Variants in BMAL2 observed in about 807,000 individuals in gnomAD.
BMAL2 encodes the protein basic helix-loop-helix ARNT like 2.
the BMAL2 span, among the ~76,000 whole-genome samples, chr12:27,376,953 A>G: frequency 3.0e-4 from 43 of 141,708 alleles, no homozygotes; most frequent in Admixed American, 3.2e-3. Context: ...GTGAGCCGAA[A>G]TCGCGCCACT....
At chr12:27,358,393 T>C in the BMAL2 span, among the ~76,000 whole-genome samples, 2 of 152,096 alleles carry the variant, frequency 1.3e-5, no homozygotes, top group African/African-American at 4.8e-5. Context: ...CAAAAAATAA[T>C]AGATGTTGGC....
At chr12:27,333,851 A>G in the BMAL2 span, among the ~76,000 whole-genome samples, 1 of 152,276 alleles carries the variant, frequency 6.6e-6, no homozygotes, top group Admixed American at 6.5e-5. Flanking sequence ...CCTTCTCGCT[A>G]GTATTCACTG....
the BMAL2 span, among the ~76,000 whole-genome samples, chr12:27,382,428 G>A: frequency 1.3e-5 from 2 of 152,156 alleles, no homozygotes; most frequent in Non-Finnish European, 2.9e-5. Flanking sequence ...GGAAGAGATC[G>A]TCAGAGTCTG....
the BMAL2 span, chr12:27,421,371 C>A: frequency 6.6e-6 from 1 of 152,068 alleles, no homozygotes; most frequent in Non-Finnish European, 1.5e-5. Context: ...TATGGTGAAA[C>A]CCCGTTTCTA....
At chr12:27,416,066 TGATCACTCAGTGA>T in the BMAL2 span, 2 of 692,174 alleles carry the variant, frequency 2.9e-6, no homozygotes, top group Non-Finnish European at 4.8e-6. Context: ...GAACCCATTT[TGATCACTCAGTGA>T]TTTTTAAGTG....
the BMAL2 span, among the ~76,000 whole-genome samples, chr12:27,391,618 G>T: frequency 7.2e-5 from 11 of 152,316 alleles, 1 homozygote; most frequent in South Asian, 4.1e-4. Context: ...ACCCTAAACT[G>T]CTTTCCATAG....
the BMAL2 span, among the ~76,000 whole-genome samples, chr12:27,388,346 GTTTT>G: frequency 6.6e-6 from 1 of 151,948 alleles, no homozygotes. Context: ...TAACCACACA[GTTTT>G]TTTTAGAATG....
At chr12:27,336,514 T>TAG in the BMAL2 span, among the ~76,000 whole-genome samples, 1 of 152,214 alleles carries the variant, frequency 6.6e-6, no homozygotes, top group East Asian at 1.9e-4. Flanking sequence ...ATGCAATACT[T>TAG]AGCTATGTAT....
chr12:27,391,878 T>G, the BMAL2 span, among the ~76,000 whole-genome samples: 1 of 152,032 alleles, frequency 6.6e-6, no homozygotes. Flanking sequence ...AGGCTCTGAG[T>G]GGTGGAGAGC....
chr12:27,410,705 C>T, the BMAL2 span, among the ~76,000 whole-genome samples: 6 of 151,938 alleles, frequency 3.9e-5, no homozygotes, highest in African/African-American at 1.5e-4. Flanking sequence ...TGTAAGAAAC[C>T]TGCATGTTGT....
the BMAL2 span, among the ~76,000 whole-genome samples, chr12:27,334,037 T>G: frequency 6.6e-6 from 1 of 152,328 alleles, no homozygotes; most frequent in African/African-American, 2.4e-5. Flanking sequence ...CCTTTTGGAA[T>G]AAGATGATAG....
At chr12:27,400,686 C>T in the BMAL2 span, 2 of 1,613,772 alleles carry the variant, frequency 1.2e-6, no homozygotes, top group Admixed American at 1.7e-5. Flanking sequence ...ATATATTGTT[C>T]CACAGAACAG....
the BMAL2 span, chr12:27,389,927 A>AT: frequency 1.7e-6 from 1 of 573,128 alleles, no homozygotes; most frequent in East Asian, 3.0e-5. Flanking sequence ...TGACAAATAC[A>AT]TTTTTTGGGT....
At chr12:27,354,676 A>G in the BMAL2 span, among the ~76,000 whole-genome samples, 28,121 of 152,214 alleles carry the variant, frequency 0.18, 3,251 homozygotes, top group African/African-American at 0.31. Context: ...TAAAGTGTAT[A>G]TGAAACATAA....
the BMAL2 span, among the ~76,000 whole-genome samples, chr12:27,357,691 T>C: frequency 5.9e-5 from 9 of 152,174 alleles, no homozygotes; most frequent in East Asian, 1.7e-3. Flanking sequence ...AGGAACAGAA[T>C]AGAGAACCCA....
At chr12:27,365,824 C>T in the BMAL2 span, among the ~76,000 whole-genome samples, 7 of 151,242 alleles carry the variant, frequency 4.6e-5, no homozygotes, top group Admixed American at 3.9e-4. Context: ...AATCTACACT[C>T]TTATATGTTT....
chr12:27,341,551 C>A, the BMAL2 span, among the ~76,000 whole-genome samples: 1 of 152,234 alleles, frequency 6.6e-6, no homozygotes, highest in East Asian at 1.9e-4. Context: ...ACTTCACATT[C>A]TTCTGAAAAG....
chr12:27,354,235 C>T, the BMAL2 span, among the ~76,000 whole-genome samples: 1 of 152,054 alleles, frequency 6.6e-6, no homozygotes, highest in East Asian at 1.9e-4. Context: ...TGCTACACAG[C>T]CATAAAAAAG....
At chr12:27,387,001 T>G in the BMAL2 span, among the ~76,000 whole-genome samples, 1 of 152,190 alleles carries the variant, frequency 6.6e-6, no homozygotes, top group Non-Finnish European at 1.5e-5. Context: ...CAGCCAAACT[T>G]TTCATGTCCA....
Sources: allele counts gnomAD v4.1 joint callset (sites outside exome capture counted in the v4.1 genomes callset), GRCh38; gene constraint gnomAD v4.1.1; transcripts MANE v1.5; gene names NCBI Gene and HGNC (gene_info 2026-07-23, HGNC 2026-07-21).